The following LOC400499 variants were observed in gnomAD, a reference collection of about 807,000 sequenced individuals.
chr16:11,438,607 CAAAAAAAAAA>C, the LOC400499 span, among the ~76,000 whole-genome samples: 2 of 59,840 alleles, frequency 3.3e-5, no homozygotes, highest in Admixed American at 2.0e-4. Context: ...CCTGTCTCTG[CAAAAAAAAAA>C]AAAAAAAAAA....
At chr16:11,478,538 G>A in the LOC400499 span, 12 of 398,938 alleles carry the variant, frequency 3.0e-5, no homozygotes, top group Non-Finnish European at 4.4e-5. Flanking sequence ...ACCTTCATGA[G>A]CTTGATGGCG....
At chr16:11,480,813 C>G in the LOC400499 span, among the ~76,000 whole-genome samples, 1 of 152,158 alleles carries the variant, frequency 6.6e-6, no homozygotes, top group Non-Finnish European at 1.5e-5. Context: ...CAATGGAATA[C>G]TATGCAGCTA....
chr16:11,394,049 G>C, the LOC400499 span, among the ~76,000 whole-genome samples: 18 of 152,216 alleles, frequency 1.2e-4, no homozygotes, highest in African/African-American at 4.3e-4. Context: ...GCCCCACCCA[G>C]ACACTCTGAT....
chr16:11,445,589 A>AC, the LOC400499 span, among the ~76,000 whole-genome samples: 1 of 152,152 alleles, frequency 6.6e-6, no homozygotes, highest in Admixed American at 6.6e-5. Flanking sequence ...GGCACACAGG[A>AC]CACGCAGAGG....
the LOC400499 span, among the ~76,000 whole-genome samples, chr16:11,403,923 G>A: frequency 1.3e-5 from 2 of 152,274 alleles, no homozygotes; most frequent in South Asian, 4.1e-4. Flanking sequence ...TCCTCTCTAT[G>A]AGCTGAGACG....
the LOC400499 span, among the ~76,000 whole-genome samples, chr16:11,512,375 G>C: frequency 2.0e-5 from 3 of 152,214 alleles, no homozygotes; most frequent in Non-Finnish European, 4.4e-5. Flanking sequence ...GAGGCAGGCA[G>C]ATCAGACACC....
the LOC400499 span, chr16:11,393,520 G>C: frequency 2.4e-6 from 3 of 1,232,196 alleles, no homozygotes; most frequent in African/African-American, 4.7e-5. Flanking sequence ...GTGGAGACAC[G>C]GCCCAGTAGG....
the LOC400499 span, among the ~76,000 whole-genome samples, chr16:11,497,395 C>T: frequency 2.0e-5 from 3 of 152,212 alleles, no homozygotes; most frequent in South Asian, 2.1e-4. Context: ...GCAGGGCAAG[C>T]GGGCTTGGCT....
chr16:11,432,287 G>C, the LOC400499 span, among the ~76,000 whole-genome samples: 1 of 152,214 alleles, frequency 6.6e-6, no homozygotes, highest in Non-Finnish European at 1.5e-5. Context: ...AGAATCGTGA[G>C]CAAACAAAAT....
At chr16:11,377,221 T>C in the LOC400499 span, among the ~76,000 whole-genome samples, 2 of 152,242 alleles carry the variant, frequency 1.3e-5, no homozygotes, top group East Asian at 3.8e-4. Flanking sequence ...CTTTGACAAA[T>C]TATTAGTTCT....
At chr16:11,380,409 G>A in the LOC400499 span, among the ~76,000 whole-genome samples, 1 of 151,926 alleles carries the variant, frequency 6.6e-6, no homozygotes, top group Non-Finnish European at 1.5e-5. Context: ...GTGAAACCTC[G>A]TCTCTACTAA....
At chr16:11,387,039 G>T in the LOC400499 span, 1 of 1,165,318 alleles carries the variant, frequency 8.6e-7, no homozygotes, top group Non-Finnish European at 1.1e-6. Flanking sequence ...ACTAGCCTAT[G>T]GAGGCTTCCC....
At chr16:11,452,930 G>A in the LOC400499 span, among the ~76,000 whole-genome samples, 1 of 152,232 alleles carries the variant, frequency 6.6e-6, no homozygotes, top group African/African-American at 2.4e-5. Context: ...GGTCCGATGA[G>A]TTTTCTGGTT....
At chr16:11,394,252 T>C in the LOC400499 span, among the ~76,000 whole-genome samples, 1 of 152,024 alleles carries the variant, frequency 6.6e-6, no homozygotes, top group African/African-American at 2.4e-5. Context: ...TGCCCAGCCT[T>C]GGGGGCACGG....
At chr16:11,445,415 T>C in the LOC400499 span, among the ~76,000 whole-genome samples, 422 of 151,676 alleles carry the variant, frequency 2.8e-3, no homozygotes, top group African/African-American at 9.8e-3. Flanking sequence ...AGTGAGACTC[T>C]TTCTCCAAAA....
the LOC400499 span, among the ~76,000 whole-genome samples, chr16:11,400,756 A>T: frequency 6.6e-6 from 1 of 152,036 alleles, no homozygotes; most frequent in East Asian, 1.9e-4. Context: ...TTACTACTTT[A>T]CAGTGCTTAT....
At chr16:11,510,942 G>A in the LOC400499 span, among the ~76,000 whole-genome samples, 1 of 151,308 alleles carries the variant, frequency 6.6e-6, no homozygotes, top group African/African-American at 2.4e-5. Context: ...CCAGGATGAT[G>A]TGAACCAGTG....
the LOC400499 span, among the ~76,000 whole-genome samples, chr16:11,489,982 G>A: frequency 2.6e-5 from 4 of 152,220 alleles, no homozygotes; most frequent in Non-Finnish European, 5.9e-5. Flanking sequence ...AGGCCTATCA[G>A]TGGAGACGGG....
At chr16:11,503,232 T>TA in the LOC400499 span, among the ~76,000 whole-genome samples, 2,264 of 152,036 alleles carry the variant, frequency 0.015, 63 homozygotes, top group African/African-American at 0.051. Context: ...ATATTCCTAA[T>TA]AAAAAAATTG....
Sources: gnomAD v4.1 joint callset for allele counts (sites outside exome capture counted in the v4.1 genomes callset) on GRCh38, gnomAD v4.1.1 for gene constraint, MANE v1.5 for transcripts.